The following CENPA variants were observed in gnomAD, a reference collection of about 807,000 sequenced individuals.
CENPA encodes centromere protein A, also known as histone H3-like centromeric protein A.
In CENPA, 7 loss-of-function variants were observed where a neutral mutation model predicts 17.2. The ratio of observed to expected loss-of-function variants is 0.41; its 90% confidence interval spans 0.23 to 0.76. The LOEUF is 0.76. Among genes scored for constraint, CENPA ranks in the 30% least tolerant of loss-of-function variants. CENPA has a pLI of 0.34. For missense variants in CENPA, 149 were observed against 193.1 expected (o/e 0.77, Z 1.35); for synonymous variants, 82 against 77.4 (o/e 1.06, Z -0.31).
intron 2 of CENPA, 97 bp from the exon 3 acceptor site, chr2:26,792,659 G>C (rs907532427): frequency 9.4e-7 from 1 of 1,069,218 alleles, no homozygotes; most frequent in Non-Finnish European, 1.4e-6. Context: ...TAATGGAAAG[G>C]AAGATTCACT....
At chr2:26,792,613 C>G in intron 2 of CENPA, 143 bp from the exon 3 acceptor site, 1 of 780,254 alleles carries the variant, frequency 1.3e-6, no homozygotes, top group South Asian at 1.5e-5. Flanking sequence ...AACACCTGCT[C>G]CTAATTGGGT....
intron 1 of CENPA, among the ~76,000 whole-genome samples, chr2:26,790,972 A>G (rs1315173958): frequency 6.6e-6 from 1 of 152,228 alleles, no homozygotes; most frequent in Non-Finnish European, 1.5e-5. Context: ...AACATTTCTG[A>G]AACAATTTTA....
intron 1 of CENPA, among the ~76,000 whole-genome samples, chr2:26,788,861 G>T (rs1227438087): frequency 2.0e-5 from 3 of 152,144 alleles, no homozygotes; most frequent in East Asian, 1.9e-4. Context: ...TTTTAGTAGA[G>T]ACGGGGTTTC....
chr2:26,792,468 T>C lies in CENPA; in HGVS notation c.210+228T>C, dbSNP rs890678956. 8 of 712,278 alleles carry C rather than the reference T, an allele frequency of 1.1e-5. No homozygotes were observed. The African/African-American group carries it at 1.4e-4, about 12-fold the overall frequency. The allele number at this position is 712,278 out of a possible 1,614,324, so 44.1% of individuals were successfully genotyped here. ...TTTTTAAAACTGTAGTTTTTGACTG[T>C]ATAAATAGGAACTCTCTCGTTTGTC... On this transcript the variant is annotated intron_variant, in intron 2 of 4. Coordinates refer to ENST00000335756, the MANE Select transcript of CENPA (RefSeq NM_001809.4).
chr2:26,786,334 C>G (rs969398790), intron 1 of CENPA, 38 bp downstream of exon 1: 36 of 1,288,482 alleles, frequency 2.8e-5, no homozygotes, highest in African/African-American at 7.7e-5. Context: ...AGGAGAAAAC[C>G]GAGGCTCGCA....
rs373206313 is a variant in CENPA at position 26,792,730 on chromosome 2, T to TCCTCCC, written c.211-24_211-19dup. 8.2e-6 allele frequency: 13 copies of TCCTCCC among 1,593,348 alleles called. No individual in the cohort carries two copies. In the Middle Eastern group the frequency reaches 6.6e-4, roughly 81 times the overall value. On this transcript the variant is annotated intron_variant, in intron 2 of 4. Transcript: ENST00000335756. ...CTCTTCTGTTACTCCCTACTCCTAC[T>TCCTCCC]CCTCCCCTTCCCCACTCCTTCACAG...
chr2:26,789,412 A>C (rs961647507), intron 1 of CENPA, among the ~76,000 whole-genome samples: 2 of 151,402 alleles, frequency 1.3e-5, no homozygotes, highest in Non-Finnish European at 2.9e-5. Flanking sequence ...TTGATGTTGG[A>C]CTTCCTTGAC....
At chr2:26,793,016 T>C in intron 3 of CENPA, 129 bp from the exon 4 acceptor site, 1 of 1,372,504 alleles carries the variant, frequency 7.3e-7, no homozygotes, top group Non-Finnish European at 1.0e-6. Flanking sequence ...CCTGGCAAAG[T>C]TCAGTCTCAT....
At chr2:26,786,807 GT>G (rs904440109) in intron 1 of CENPA, among the ~76,000 whole-genome samples, 3 of 151,936 alleles carry the variant, frequency 2.0e-5, no homozygotes, top group Non-Finnish European at 2.9e-5. Context: ...TCTTTCAGGG[GT>G]TTTTTTTCCC....
At position 26,792,800 on chromosome 2, in the gene CENPA, T is replaced by C; in HGVS notation, c.255T>C (p.Asn85=). The C allele has an allele frequency of 6.2e-7, 1 of 1,614,174 alleles. No individual in the cohort carries two copies. ...AATTCACTCGTGGTGTGGACTTCAA[T>C]TGGCAAGCCCAGGCCCTATTGGCCC... ...CVKFTRGVDF[N]WQAQALLALQ... The change falls in exon 3 of 5, where the codon AAT becomes AAC. Residue 85 remains asparagine (N), a synonymous_variant. Transcript: ENST00000335756.
chr2:26,792,113 T>TA lies in CENPA; in HGVS notation c.101-17dup, dbSNP rs2148067895. 6 of 1,611,004 alleles carry TA rather than the reference T, an allele frequency of 3.7e-6. No homozygotes were observed. In the East Asian group the frequency reaches 1.3e-4, roughly 36 times the overall value. ...GGCACCACCTATTTTCCACTGAACT[T>TA]ACCTTTCTTTTGCTCAGGCGCTTCC... On this transcript the variant is annotated splice_polypyrimidine_tract_variant and intron_variant, in intron 1 of 4. Transcript: ENST00000335756.
At chr2:26,793,500 A>G (rs2148068749) in intron 4 of CENPA, among the ~76,000 whole-genome samples, 174 bp downstream of exon 4, 1 of 152,336 alleles carries the variant, frequency 6.6e-6, no homozygotes, top group Non-Finnish European at 1.5e-5. Context: ...TAGATAAAAG[A>G]TATCTTTCTA....
chr2:26,786,258 C>T lies in CENPA; in HGVS notation c.62C>T (p.Thr21Ile). Residue 21 changes from threonine to isoleucine, a missense_variant, in exon 1 of 5, where the codon ACC becomes ATC. Transcript: ENST00000335756. ...EAPRRRSPSP[T>I]PTPGPSRRGP... ...CCGAGGAGGCGCAGCCCGAGCCCGA[C>T]CCCGACCCCCGGCCCCTCCCGGCGG... is the stretch of plus-strand genomic sequence containing the variant. 7.3e-7 allele frequency: 1 copy of T among 1,363,382 alleles called. No homozygotes were observed. The highest frequency in any genetic ancestry group is 2.7e-4 in the Middle Eastern group (1 of 3,772). 84.5% of individuals were successfully genotyped at this position (1,363,382 alleles called of 1,614,324 possible).
intron 2 of CENPA, chr2:26,792,511 C>T (rs1185569958): frequency 1.4e-6 from 1 of 713,006 alleles, no homozygotes; most frequent in East Asian, 2.7e-5. Flanking sequence ...GATCCCTTTT[C>T]CTATCCTGGG....
chr2:26,786,959 G>A (rs963087190), intron 1 of CENPA, among the ~76,000 whole-genome samples: 3 of 152,238 alleles, frequency 2.0e-5, no homozygotes, highest in Non-Finnish European at 4.4e-5. Context: ...GAGACCCAAC[G>A]GCAGGAGGAG....
In CENPA at chr2:26,792,262, C is replaced by G. The variant is rs1249626633; in HGVS notation, c.210+22C>G. ...CCTGGTAAGCTCCGGGAGCTTCCCA[C>G]CAACCCCTATGCCACCCTCCTTTTT... On this transcript the variant is annotated intron_variant, in intron 2 of 4. Transcript: ENST00000335756. The G allele has an allele frequency of 5.1e-6, 8 of 1,580,930 alleles. No homozygotes were observed. In the Admixed American group the frequency reaches 1.4e-4, roughly 27 times the overall value.
rs1365572609 is a variant in CENPA, at chr2:26,793,390, C to T, written c.*47+64C>T. Reference sequence around the variant, plus strand: ...TCTCAAGTAATTTCCTTTCTCCATCCATAGTCCCTTGTCACCTCGCCTTCC... The same window carrying T: ...TCTCAAGTAATTTCCTTTCTCCATCTATAGTCCCTTGTCACCTCGCCTTCC... On this transcript the variant is annotated intron_variant, in intron 4 of 4. Coordinates refer to ENST00000335756, the MANE Select transcript of CENPA (RefSeq NM_001809.4). The T allele has an allele frequency of 2.4e-5, 35 of 1,439,344 alleles. 1 individual carries two copies. The highest frequency in any genetic ancestry group is 1.5e-4 in the South Asian group (11 of 75,636). 89.2% of individuals were successfully genotyped at this position (1,439,344 alleles called of 1,614,324 possible).
In CENPA at chr2:26,794,294, T is replaced by A. The variant is rs1664675250; in HGVS notation, c.*530T>A. 6.6e-6 allele frequency: 1 copy of A among 152,242 alleles called. No individual in the cohort carries two copies. Among genetic ancestry groups the A allele is most frequent in the Non-Finnish European group, 1.5e-5 (1 of 68,044 alleles). 9.4% of individuals were successfully genotyped at this position (152,242 alleles called of 1,614,324 possible). The stretch of plus-strand genomic sequence containing the variant: ...CCCTTCAGAGTAGCCTCACCATTAG[T>A]GGCAGCATCATGTAACTGAGTGGAC... On this transcript the variant is annotated 3_prime_UTR_variant, in exon 5 of 5. Coordinates refer to ENST00000335756, the MANE Select transcript of CENPA (RefSeq NM_001809.4).
rs543384247 is a variant in CENPA, at chr2:26,792,449, A to C, written c.210+209A>C. 6 of 710,846 alleles carry C rather than the reference A, an allele frequency of 8.4e-6. No homozygotes were observed. The East Asian group carries it at 1.6e-4, about 19-fold the overall frequency. The allele number at this position is 710,846 out of a possible 1,614,324, so 44.0% of individuals were successfully genotyped here. ...ATTTCTAACCTCTACTACCTTTTTA[A>C]AACTGTAGTTTTTGACTGTATAAAT... On this transcript the variant is annotated intron_variant, in intron 2 of 4. Transcript: ENST00000335756.
Sources: allele counts gnomAD v4.1 joint callset (sites outside exome capture counted in the v4.1 genomes callset), GRCh38; gene constraint gnomAD v4.1.1; transcripts MANE v1.5; gene names NCBI Gene and HGNC (gene_info 2026-07-23, HGNC 2026-07-21).